Variants in PRKCH observed in about 807,000 individuals in gnomAD.
PRKCH encodes protein kinase C eta, also known as protein kinase C eta type.
PRKCH carries 28 observed loss-of-function variants against 82.5 expected under a neutral mutation model. The observed-to-expected ratio is 0.34, with a 90% confidence interval of 0.25 to 0.47. The LOEUF (loss-of-function observed/expected upper bound fraction) is 0.47. Ranked by LOEUF, PRKCH falls within the 20% of genes least tolerant of loss-of-function variation. The probability of loss-of-function intolerance (pLI) is 1.00; values close to 1 mark genes in which losing one functional copy is unlikely to be tolerated. For missense variants in PRKCH, 705 were observed against 881.8 expected (o/e 0.80, Z 2.54); for synonymous variants, 322 against 327.4 (o/e 0.98, Z 0.18).
intron 1 of PRKCH, among the ~76,000 whole-genome samples, chr14:61,240,064 T>G (rs1192698373): frequency 2.0e-5 from 3 of 152,220 alleles, no homozygotes; most frequent in African/African-American, 7.2e-5. Context: ...CATTAGTAAC[T>G]GAGTGCAACA....
At chr14:61,213,976 A>G (rs897773354) in intron 1 of PRKCH, among the ~76,000 whole-genome samples, 3 of 152,254 alleles carry the variant, frequency 2.0e-5, no homozygotes, top group African/African-American at 7.2e-5. Context: ...TTAGAGGCAC[A>G]CATTAAACAA....
chr14:61,437,404 CT>C (rs1180979870), intron 2 of PRKCH, among the ~76,000 whole-genome samples: 2 of 152,180 alleles, frequency 1.3e-5, no homozygotes, highest in Admixed American at 1.3e-4. Context: ...TTTTGGTTAA[CT>C]CTAAGGTTTT....
At chr14:61,486,484 T>G (rs922384642) in intron 10 of PRKCH, among the ~76,000 whole-genome samples, 1 of 152,180 alleles carries the variant, frequency 6.6e-6, no homozygotes, top group Non-Finnish European at 1.5e-5. Context: ...TTGATGTTGT[T>G]AAGTCTCAGA....
intron 11 of PRKCH, among the ~76,000 whole-genome samples, chr14:61,529,912 A>AT (rs201696010): frequency 0.13 from 19,580 of 146,090 alleles, 1,294 homozygotes; most frequent in African/African-American, 0.18. Context: ...TAATAAAAAA[A>AT]AATATATATA....
intron 10 of PRKCH, among the ~76,000 whole-genome samples, chr14:61,521,779 C>A (rs1255967175): frequency 6.6e-6 from 1 of 152,070 alleles, no homozygotes; most frequent in African/African-American, 2.4e-5. Flanking sequence ...CATATGGAGG[C>A]AAAAGATTTG....
chr14:61,388,320 G>A (rs780943326), intron 1 of PRKCH, among the ~76,000 whole-genome samples: 3 of 152,122 alleles, frequency 2.0e-5, no homozygotes, highest in Non-Finnish European at 2.9e-5. Context: ...GTTTAAATCC[G>A]GCTTTTCCAC....
chr14:61,331,002 G>A (rs1444525978), intron 1 of PRKCH, among the ~76,000 whole-genome samples: 1 of 152,026 alleles, frequency 6.6e-6, no homozygotes, highest in Non-Finnish European at 1.5e-5. Context: ...GAAAGTTTAC[G>A]AATCTGTGTT....
chr14:61,282,567 A>G (rs945628598), intron 1 of PRKCH, among the ~76,000 whole-genome samples: 5 of 152,210 alleles, frequency 3.3e-5, no homozygotes, highest in Non-Finnish European at 7.3e-5. Flanking sequence ...AATTAGACAA[A>G]AAAGGACCTT....
intron 1 of PRKCH, among the ~76,000 whole-genome samples, chr14:61,273,984 T>C (rs1358720727): frequency 6.6e-6 from 1 of 152,224 alleles, no homozygotes; most frequent in African/African-American, 2.4e-5. Flanking sequence ...TTCTCACCTC[T>C]TGTAGGACTA....
intron 1 of PRKCH, among the ~76,000 whole-genome samples, chr14:61,236,494 G>C (rs941854523): frequency 6.6e-6 from 1 of 151,806 alleles, no homozygotes; most frequent in African/African-American, 2.4e-5. Context: ...TGGATCATGA[G>C]GTCAGGAGTT....
chr14:61,522,003 C>T lies in PRKCH; in HGVS notation c.1434-7072C>T, dbSNP rs530827566. Among the ~76,000 whole-genome samples, 34 of 152,266 alleles carry T rather than the reference C, an allele frequency of 2.2e-4. No homozygotes were observed. In the East Asian group the frequency reaches 4.4e-3, roughly 20 times the overall value. On this transcript the variant is annotated intron_variant, in intron 10 of 13. Transcript: ENST00000332981. ...TGACTCTCAAATTTATAGCTCCGAACCAGCCTTCCCTTTGACATCTAGCCA... is the reference window on the plus strand; with the variant it reads ...TGACTCTCAAATTTATAGCTCCGAATCAGCCTTCCCTTTGACATCTAGCCA...
chr14:61,290,916 G>T (rs1401731594), intron 1 of PRKCH, among the ~76,000 whole-genome samples: 1 of 152,144 alleles, frequency 6.6e-6, no homozygotes, highest in Admixed American at 6.5e-5. Flanking sequence ...AGCTAGGGAG[G>T]GATTGACAAC....
intron 10 of PRKCH, chr14:61,528,183 A>ACACACACACACACACAG: frequency 2.6e-5 from 1 of 38,658 alleles, no homozygotes; most frequent in South Asian, 9.9e-4. Flanking sequence ...CACACACACA[A>ACACACACACACACACAG]AGTATTTCTT....
At chr14:61,195,750 C>A (rs2044436780) in intron 1 of PRKCH, among the ~76,000 whole-genome samples, 1 of 152,110 alleles carries the variant, frequency 6.6e-6, no homozygotes, top group Admixed American at 6.6e-5. Flanking sequence ...AGATGGCCAC[C>A]TTCTTACTAT....
At chr14:61,442,152 A>G (rs1884005058) in intron 2 of PRKCH, among the ~76,000 whole-genome samples, 1 of 152,202 alleles carries the variant, frequency 6.6e-6, no homozygotes, top group Non-Finnish European at 1.5e-5. Flanking sequence ...TATTGAGGAA[A>G]TAAGCTATAT....
At chr14:61,323,310 C>T (rs772824935) in intron 1 of PRKCH, among the ~76,000 whole-genome samples, 7 of 150,804 alleles carry the variant, frequency 4.6e-5, no homozygotes, top group Non-Finnish European at 7.4e-5. Flanking sequence ...ACTTCTAGAG[C>T]GCTCTACACG....
At chr14:61,400,853 A>G (rs1385346772) in intron 2 of PRKCH, among the ~76,000 whole-genome samples, 1 of 152,164 alleles carries the variant, frequency 6.6e-6, no homozygotes, top group Non-Finnish European at 1.5e-5. Flanking sequence ...AGAGACGCTA[A>G]TTTACTATGG....
At chr14:61,354,015 T>C (rs2046115545) in intron 1 of PRKCH, 1 of 152,220 alleles carries the variant, frequency 6.6e-6, no homozygotes, top group African/African-American at 2.4e-5. Context: ...GAGATCACTT[T>C]ATAAAGATGT....
intron 1 of PRKCH, among the ~76,000 whole-genome samples, chr14:61,328,647 A>T (rs868384759): frequency 6.6e-6 from 1 of 152,070 alleles, no homozygotes; most frequent in African/African-American, 2.4e-5. Flanking sequence ...GCATTTGCGT[A>T]GAATAATAGA....
Sources: gnomAD v4.1 joint callset for allele counts (sites outside exome capture counted in the v4.1 genomes callset) on GRCh38, gnomAD v4.1.1 for gene constraint, MANE v1.5 for transcripts, NCBI Gene and HGNC (gene_info 2026-07-23, HGNC 2026-07-21) for gene names.